Variants in ANK3 observed in about 807,000 individuals in gnomAD.
ANK3 encodes the protein ankyrin 3.
In ANK3, 57 loss-of-function variants were observed where a neutral mutation model predicts 370.9. That is an observed-to-expected ratio of 0.15 (90% confidence interval 0.12 to 0.19). The LOEUF (loss-of-function observed/expected upper bound fraction) is 0.19. Among genes scored for constraint, ANK3 ranks in the 10% least tolerant of loss-of-function variants. The pLI, the probability that ANK3 is intolerant of heterozygous loss-of-function variation, is 1.00. For synonymous variants in ANK3, 1,929 were observed against 1,946.3 expected (o/e 0.99, Z 0.23); for missense variants, 4,439 against 5,302.1 (o/e 0.84, Z 5.06).
At chr10:60,131,214 G>C (rs1220542668) in intron 25 of ANK3, among the ~76,000 whole-genome samples, 1 of 152,110 alleles carries the variant, frequency 6.6e-6, no homozygotes, top group African/African-American at 2.4e-5. Context: ...ATATCTCCAA[G>C]ACATTTTCAA....
chr10:60,236,684 T>C (rs1486875526), intron 7 of ANK3, among the ~76,000 whole-genome samples: 1 of 152,222 alleles, frequency 6.6e-6, no homozygotes, highest in Admixed American at 6.5e-5. Context: ...ACATTCTCTT[T>C]GCTCACTATT....
intron 1 of ANK3, among the ~76,000 whole-genome samples, chr10:60,318,451 C>T (rs2047930544): frequency 6.6e-6 from 1 of 152,158 alleles, no homozygotes; most frequent in Non-Finnish European, 1.5e-5. Context: ...ATAATGGGAT[C>T]GACTTTACCT....
chr10:60,170,704 CA>C (rs1343076002), intron 21 of ANK3, among the ~76,000 whole-genome samples: 11 of 152,176 alleles, frequency 7.2e-5, no homozygotes. Context: ...TTCCTGTACA[CA>C]TTCTGTCTTC....
chr10:60,492,746 AAG>A (rs1491372198), intron 2 of ANK3, among the ~76,000 whole-genome samples: 1 of 148,826 alleles, frequency 6.7e-6, no homozygotes, highest in African/African-American at 2.5e-5. Context: ...AGAAAAAAAA[AAG>A]AAATGGCACT....
Position 60,071,080 on chromosome 10 carries a change from T to G in ANK3, c.9801A>C (p.Ser3267=), listed in dbSNP as rs970264283. Residue 3267 remains serine (S), a synonymous_variant, in exon 37 of 44, where the codon TCA becomes TCC. Transcript: ENST00000280772. ...PPPLDADQIE[S]DKKHHYLPEK... ...CTGGGAGATAATGATGCTTCTTATC[T>G]GACTCAATCTGGTCCGCATCCAGTG... 10 of 1,614,174 alleles carry G rather than the reference T, an allele frequency of 6.2e-6. No individual in the cohort carries two copies. The highest frequency in any genetic ancestry group is 1.7e-5 in the Admixed American group (1 of 60,024).
intron 2 of ANK3, among the ~76,000 whole-genome samples, chr10:60,506,009 T>A (rs1317718172): frequency 7.2e-5 from 11 of 152,018 alleles, no homozygotes; most frequent in African/African-American, 2.7e-4. Context: ...TCCACCCAAT[T>A]AAGTATTCAT....
rs548231332 is a variant in ANK3 at position 60,593,318 on chromosome 10, A to G, written c.96+21868T>C. On this transcript the variant is annotated intron_variant, in intron 2 of 43. Transcript: ENST00000373827. ...GTGCCTGTCCTGTAGCTGGGAAGTA[A>G]AGAAATTTGTTTTAATCAAAACATA... Among the ~76,000 whole-genome samples, 7 of 152,290 alleles carry G rather than the reference A, an allele frequency of 4.6e-5. No homozygotes were observed. In the South Asian group the frequency reaches 1.5e-3, roughly 32 times the overall value.
intron 1 of ANK3, among the ~76,000 whole-genome samples, chr10:60,302,250 T>C (rs896962497): frequency 5.3e-5 from 8 of 152,044 alleles, no homozygotes; most frequent in Non-Finnish European, 7.4e-5. Context: ...AAGTGTGTGT[T>C]TAGGAAATGG....
chr10:60,513,634 C>G (rs925773972), intron 2 of ANK3, among the ~76,000 whole-genome samples: 2 of 152,090 alleles, frequency 1.3e-5, no homozygotes, highest in Non-Finnish European at 2.9e-5. Context: ...GACAACAAAT[C>G]AATCTCTCCC....
chr10:60,500,548 A>T (rs892593676), intron 2 of ANK3, among the ~76,000 whole-genome samples: 2 of 152,202 alleles, frequency 1.3e-5, no homozygotes, highest in Non-Finnish European at 2.9e-5. Context: ...GTAAGTGCAG[A>T]TACTCTAAAA....
chr10:60,091,333 A>G (rs1025535185), intron 28 of ANK3, among the ~76,000 whole-genome samples: 4 of 152,228 alleles, frequency 2.6e-5, no homozygotes, highest in Non-Finnish European at 2.9e-5. Context: ...ATTCCAATTC[A>G]TTCATTTACC....
chr10:60,560,171 C>T (rs181683277), intron 2 of ANK3, among the ~76,000 whole-genome samples: 16 of 152,064 alleles, frequency 1.1e-4, no homozygotes, highest in African/African-American at 3.1e-4. Flanking sequence ...ATAAGGTATT[C>T]GGGTTAAAAG....
At chr10:60,595,318 G>A (rs1361762764) in intron 2 of ANK3, among the ~76,000 whole-genome samples, 2 of 152,236 alleles carry the variant, frequency 1.3e-5, no homozygotes, top group East Asian at 3.9e-4. Flanking sequence ...AAATTTGGAG[G>A]CTAGGGTTTT....
At chr10:60,159,283 T>G (rs1179396021) in intron 23 of ANK3, among the ~76,000 whole-genome samples, 2 of 151,966 alleles carry the variant, frequency 1.3e-5, no homozygotes, top group African/African-American at 2.4e-5. Flanking sequence ...TAGCTATACT[T>G]AGATGAAATA....
intron 1 of ANK3, among the ~76,000 whole-genome samples, chr10:60,307,612 T>A (rs1187226441): frequency 6.6e-6 from 1 of 152,126 alleles, no homozygotes; most frequent in Non-Finnish European, 1.5e-5. Flanking sequence ...AGTGCTGGGA[T>A]TATAGACACA....
At chr10:60,594,296 C>T (rs1273853398) in intron 2 of ANK3, among the ~76,000 whole-genome samples, 2 of 152,136 alleles carry the variant, frequency 1.3e-5, no homozygotes, top group Non-Finnish European at 2.9e-5. Flanking sequence ...AAGACTCACA[C>T]AATCTTAGGC....
At chr10:60,327,746 C>T (rs963930880) in intron 1 of ANK3, among the ~76,000 whole-genome samples, 3 of 152,088 alleles carry the variant, frequency 2.0e-5, no homozygotes, top group African/African-American at 4.8e-5. Context: ...TCTACAGCTC[C>T]GCAGCCTGGC....
chr10:60,583,542 A>C (rs2077787814), intron 2 of ANK3, among the ~76,000 whole-genome samples: 1 of 132,418 alleles, frequency 7.6e-6, no homozygotes, highest in Admixed American at 8.2e-5. Context: ...TTTGAGGTGG[A>C]ATCTCGTTCT....
intron 10 of ANK3, among the ~76,000 whole-genome samples, chr10:60,207,549 C>A (rs909120677): frequency 6.6e-6 from 1 of 152,056 alleles, no homozygotes; most frequent in African/African-American, 2.4e-5. Context: ...ATAAACTGGA[C>A]CAAAATTCTG....
Sources: allele counts gnomAD v4.1 joint callset (sites outside exome capture counted in the v4.1 genomes callset), GRCh38; gene constraint gnomAD v4.1.1; transcripts MANE v1.5; gene names NCBI Gene and HGNC (gene_info 2026-07-23, HGNC 2026-07-21).